DCDC2: variants seen among roughly 807,000 people sequenced by gnomAD.
The protein encoded by DCDC2 is doublecortin domain-containing protein 2.
Under a neutral mutation model 50.2 loss-of-function variants are expected in DCDC2, and 40 were observed. That is an observed-to-expected ratio of 0.80 (90% confidence interval 0.62 to 1.04). The LOEUF (loss-of-function observed/expected upper bound fraction) is 1.04, where lower values mean the gene tolerates loss of function less well. Among genes scored for constraint, DCDC2 ranks in the 50% least tolerant of loss-of-function variants. The probability of loss-of-function intolerance (pLI) is 0.00; values close to 1 mark genes in which losing one functional copy is unlikely to be tolerated. For missense variants in DCDC2, 570 were observed against 581.9 expected (o/e 0.98, Z 0.21); for synonymous variants, 234 against 210.6 (o/e 1.11, Z -0.96).
intron 7 of DCDC2, chr6:24,205,325 G>A (rs755746421): frequency 5.9e-6 from 9 of 1,521,446 alleles, no homozygotes; most frequent in Non-Finnish European, 8.0e-6. Context: ...GACCCAGCAG[G>A]GTAAAGTTCT....
At chr6:24,183,975 C>T (rs115341158) in intron 8 of DCDC2, among the ~76,000 whole-genome samples, 54 of 152,262 alleles carry the variant, frequency 3.5e-4, no homozygotes, top group African/African-American at 1.2e-3. Context: ...GGCTGAGCAC[C>T]GCTCTGTGCC....
At chr6:24,376,809 T>C in the DCDC2 span, among the ~76,000 whole-genome samples, 1 of 53,930 alleles carries the variant, frequency 1.9e-5, no homozygotes, top group East Asian at 6.0e-4. Context: ...TCAATGTTGT[T>C]TTTTTAATAA....
chr6:24,302,221 G>T (rs1759392174), intron 2 of DCDC2, among the ~76,000 whole-genome samples, 177 bp from the exon 3 acceptor site: 1 of 146,752 alleles, frequency 6.8e-6, no homozygotes, highest in Non-Finnish European at 1.5e-5. Context: ...AATATTATAA[G>T]CCCTTAACAA....
At chr6:24,264,012 C>A (rs1322566457) in intron 7 of DCDC2, among the ~76,000 whole-genome samples, 1 of 152,098 alleles carries the variant, frequency 6.6e-6, no homozygotes, top group Non-Finnish European at 1.5e-5. Context: ...CAAATACATA[C>A]AAAGAAGCTC....
rs900590042 is a variant in DCDC2 at position 24,304,242 on chromosome 6, G to T, written c.349-2198C>A. Among the ~76,000 whole-genome samples the T allele has an allele frequency of 3.3e-5, 5 of 152,188 alleles. No individual in the cohort carries two copies. The East Asian group carries it at 9.6e-4, about 29-fold the overall frequency. On this transcript the variant is annotated intron_variant, in intron 2 of 9. Coordinates refer to ENST00000378454, the MANE Select transcript of DCDC2 (RefSeq NM_016356.5). ...TCACGCCTGTAATCCCAACACTTTG[G>T]GAGGCTGAGGCAGGTGGATCTCCTA...
chr6:24,275,964 G>A (rs2113817861), intron 7 of DCDC2, among the ~76,000 whole-genome samples: 1 of 147,184 alleles, frequency 6.8e-6, no homozygotes, highest in East Asian at 2.1e-4. Flanking sequence ...CAGCCGCCTG[G>A]GCTCAAGTGT....
chr6:24,214,469 T>C (rs1482649333), intron 7 of DCDC2, among the ~76,000 whole-genome samples: 1 of 80,994 alleles, frequency 1.2e-5, no homozygotes, highest in Non-Finnish European at 2.4e-5. Context: ...TAAAGCACAT[T>C]ATTTACAATA....
At chr6:24,179,713 G>A (rs1761016419) in intron 8 of DCDC2, among the ~76,000 whole-genome samples, 1 of 148,956 alleles carries the variant, frequency 6.7e-6, no homozygotes, top group African/African-American at 2.5e-5. Context: ...CCAGCACTTT[G>A]GGAGGCCGAG....
At chr6:24,244,786 A>T (rs1433288702) in intron 7 of DCDC2, among the ~76,000 whole-genome samples, 3 of 152,216 alleles carry the variant, frequency 2.0e-5, no homozygotes, top group African/African-American at 7.2e-5. Context: ...AACTCTGACA[A>T]AATTTCTCAA....
intron 7 of DCDC2, among the ~76,000 whole-genome samples, chr6:24,251,533 A>T (rs73726635): frequency 0.021 from 3,133 of 152,122 alleles, 94 homozygotes; most frequent in African/African-American, 0.067. Context: ...CACCATCTTG[A>T]CACCTCCTGA....
chr6:24,208,308 T>C (rs1416946177), intron 7 of DCDC2, among the ~76,000 whole-genome samples: 1 of 151,580 alleles, frequency 6.6e-6, no homozygotes, highest in African/African-American at 2.4e-5. Flanking sequence ...TCTCCTCTGA[T>C]CTTATCCTGT....
chr6:24,273,013 C>T (rs1476031356), intron 7 of DCDC2, among the ~76,000 whole-genome samples: 1 of 134,184 alleles, frequency 7.5e-6, no homozygotes, highest in African/African-American at 2.9e-5. Context: ...AAGACATACA[C>T]ACACACACAC....
At chr6:24,238,402 G>A (rs1022825670) in intron 7 of DCDC2, among the ~76,000 whole-genome samples, 4 of 151,350 alleles carry the variant, frequency 2.6e-5, no homozygotes, top group East Asian at 4.0e-4. Flanking sequence ...GGGTTCAAGC[G>A]ATTATCATGC....
the DCDC2 span, among the ~76,000 whole-genome samples, chr6:24,378,920 C>G: frequency 6.8e-6 from 1 of 146,140 alleles, no homozygotes; most frequent in African/African-American, 2.6e-5. Context: ...CCACTGCACT[C>G]CAGCCTGGGC....
At chr6:24,331,626 C>T (rs1759967430) in intron 2 of DCDC2, among the ~76,000 whole-genome samples, 1 of 152,050 alleles carries the variant, frequency 6.6e-6, no homozygotes, top group South Asian at 2.1e-4. Context: ...ATATACTCAG[C>T]AATATCTAAA....
chr6:24,187,220 G>C (rs905724680), intron 8 of DCDC2, among the ~76,000 whole-genome samples: 27 of 152,304 alleles, frequency 1.8e-4, no homozygotes, highest in Middle Eastern at 3.4e-3. Flanking sequence ...AGGGATGGCT[G>C]GATGTGGCAG....
intron 8 of DCDC2, among the ~76,000 whole-genome samples, chr6:24,197,424 T>TAGTCTTGG (rs1761471219): frequency 6.6e-6 from 1 of 152,228 alleles, no homozygotes; most frequent in Non-Finnish European, 1.5e-5. Flanking sequence ...GAATATAAAT[T>TAGTCTTGG]AGTCTTGGTT....
chr6:24,371,356 C>A, the DCDC2 span, among the ~76,000 whole-genome samples: 1 of 151,376 alleles, frequency 6.6e-6, no homozygotes, highest in Non-Finnish European at 1.5e-5. Context: ...GTAATCCCAG[C>A]ACTTTGGGAA....
intron 2 of DCDC2, among the ~76,000 whole-genome samples, chr6:24,328,192 C>T (rs982846492): frequency 4.6e-5 from 7 of 152,218 alleles, no homozygotes; most frequent in Non-Finnish European, 8.8e-5. Flanking sequence ...CCCTATTGCT[C>T]AGGTCACAGA....
Sources: gnomAD v4.1 joint callset for allele counts (sites outside exome capture counted in the v4.1 genomes callset) on GRCh38, gnomAD v4.1.1 for gene constraint, MANE v1.5 for transcripts, NCBI Gene and HGNC (gene_info 2026-07-23, HGNC 2026-07-21) for gene names.